Variants in ELMO3 observed in about 807,000 individuals in gnomAD.
ELMO3 encodes engulfment and cell motility protein 3.
A neutral mutation model predicts 89.0 loss-of-function variants in ELMO3; 81 were observed. That is an observed-to-expected ratio of 0.91 (90% CI 0.76 to 1.09). The LOEUF is 1.09. ELMO3 is among the 50% of genes least tolerant of loss of function. The pLI, the probability that ELMO3 is intolerant of heterozygous loss-of-function variation, is 0.00. For synonymous variants in ELMO3, 406 were observed against 400.6 expected, an observed-to-expected ratio of 1.01 and a Z score of -0.16; for missense variants, 959 against 972.8, an observed-to-expected ratio of 0.99 and a Z score of 0.19.
rs1485663222 is a variant in ELMO3, at chr16:67,200,657, G to A, written c.514G>A (p.Val172Met). Residue 172 changes from valine to methionine, a missense_variant and splice_region_variant, in exon 7 of 20, where the codon GTG (valine) becomes ATG (methionine). Val to Met is a conservative substitution (Grantham distance 21). Transcript: ENST00000393997. ...GTGGTGACACCCCCGCCCCTTACAG[G>A]TGGTGTGCTACGTGAACATGAACCT... ...ETLSIPFVRK[V>M]VCYVNMNLMD... 1.2e-6 allele frequency: 2 copies of A among 1,612,430 alleles called. No homozygotes were observed. Among genetic ancestry groups the A allele is most frequent in the Admixed American group, 1.7e-5 (1 of 60,004 alleles).
chr16:67,199,955 G>C lies in ELMO3; in HGVS notation c.197G>C (p.Arg66Pro). ...GHRRYITENNRAEIKNGSILC... is the reference protein window; with the variant it reads ...GHRRYITENNPAEIKNGSILC... Reference sequence around the variant, plus strand: ...CTTTTCTGCTGTCTTCTCCAGAACCGCGCGGAGATCAAGAATGGCAGCATC... The same window carrying C: ...CTTTTCTGCTGTCTTCTCCAGAACCCCGCGGAGATCAAGAATGGCAGCATC... Residue 66 changes from arginine (R) to proline (P), a missense_variant, in exon 4 of 20, where the codon CGC (arginine) becomes CCC (proline). Transcript: ENST00000393997. 1 of 1,613,830 alleles carries C rather than the reference G, an allele frequency of 6.2e-7. No individual in the cohort carries two copies. Among genetic ancestry groups the C allele is most frequent in the Non-Finnish European group, 8.5e-7 (1 of 1,180,012 alleles).
Position 67,200,723 on chromosome 16 carries a change from G to T in ELMO3, c.580G>T (p.Glu194Ter), listed in dbSNP as rs559407158. 3.1e-6 allele frequency: 5 copies of T among 1,613,666 alleles called. No individual in the cohort carries two copies. In the South Asian group the frequency reaches 3.3e-5, roughly 11 times the overall value. ...GCCTCCCCTGGCCCTTGGGCTGCTG[G>T]AGAGTGTGACCTTGAGCAGCCCAGC... The part of the protein sequence containing the change: ...SVPPLALGLL[E>*]SVTLSSPALG... The change falls in exon 7 of 20, where the codon GAG becomes TAG. Residue 194 changes from glutamate (E) to a stop codon, truncating the protein, a stop_gained. Coordinates refer to ENST00000393997, the MANE Select transcript of ELMO3 (RefSeq NM_024712.5). LOFTEE classifies it high-confidence loss of function.
chr16:67,202,817 T>C, intron 15 of ELMO3, 27 bp downstream of exon 15: 1 of 1,612,064 alleles, frequency 6.2e-7, no homozygotes, highest in Non-Finnish European at 8.5e-7. Flanking sequence ...GGATCCTCAG[T>C]CCTAGCCCTA....
Position 67,202,096 on chromosome 16 carries a change from G to A in ELMO3, c.1152+18G>A, listed in dbSNP as rs1253697102. The A allele has an allele frequency of 1.2e-6, 2 of 1,610,532 alleles. No individual in the cohort carries two copies. Among genetic ancestry groups the A allele is most frequent in the Admixed American group, 1.7e-5 (1 of 59,950 alleles). Reference sequence around the variant, plus strand: ...ACAGCCGGGTCGGTGACAGGGTAGGGTGGGGGGGTGGCAGCATCCCCCAGG... The same window carrying A: ...ACAGCCGGGTCGGTGACAGGGTAGGATGGGGGGGTGGCAGCATCCCCCAGG... On this transcript the variant is annotated intron_variant, in intron 12 of 19. Transcript: ENST00000393997.
rs1464468352 is a variant in ELMO3 at position 67,201,518 on chromosome 16, A to G, written c.796-2A>G. ...TTACACCAGGGACTGGCTGTCCTGC[A>G]GAACATCATCCACAGTGCAGCACCA... On this transcript the variant is annotated splice_acceptor_variant, in intron 9 of 19. Coordinates refer to ENST00000393997, the MANE Select transcript of ELMO3 (RefSeq NM_024712.5). LOFTEE classifies it high-confidence loss of function. The G allele has an allele frequency of 1.9e-6, 3 of 1,614,066 alleles. No homozygotes were observed. The highest frequency in any genetic ancestry group is 1.1e-5 in the South Asian group (1 of 91,084).
chr16:67,201,925 T>C, intron 11 of ELMO3, 52 bp downstream of exon 11: 6 of 1,605,632 alleles, frequency 3.7e-6, no homozygotes, highest in Non-Finnish European at 5.1e-6. Flanking sequence ...CCAGGGCTGT[T>C]GTTCCAGGCG....
In ELMO3 at chr16:67,203,700, G is replaced by A. The variant is rs764925209; in HGVS notation, c.1986G>A (p.Leu662=). 3.7e-6 allele frequency: 6 copies of A among 1,613,662 alleles called. No individual in the cohort carries two copies. The African/African-American group carries it at 4.0e-5, about 11-fold the overall frequency. Residue 662 remains leucine (L), a synonymous_variant, in exon 20 of 20, where the codon CTG becomes CTA. Transcript: ENST00000393997. This position sits in a 1 kb window ranked among gnomAD's most constrained non-coding sequence, Gnocchi z 4.6. ...GGACAGATGGGCTCAGTGCCTTGCT[G>A]GGCAGTCCCATGGGCAGCGAGCAGA... ...YLWTDGLSAL[L]GSPMGSEQTR...
chr16:67,200,126 CACT>C, intron 4 of ELMO3, 63 bp from the exon 5 acceptor site: 4 of 1,588,030 alleles, frequency 2.5e-6, no homozygotes, highest in Non-Finnish European at 3.4e-6. Context: ...CGGGGCCGCA[CACT>C]TCCAGGTCCC....
intron 10 of ELMO3, 26 bp from the exon 11 acceptor site, chr16:67,201,716 C>A: frequency 1.2e-6 from 2 of 1,607,822 alleles, no homozygotes; most frequent in South Asian, 1.1e-5. Flanking sequence ...TTGATCCCCT[C>A]CCCCGCCACC....
rs1567692045 is a variant in ELMO3, at chr16:67,201,545, T to C, written c.821T>C (p.Met274Thr). The C allele has an allele frequency of 3.7e-6, 6 of 1,613,952 alleles. No homozygotes were observed. Among genetic ancestry groups the C allele is most frequent in the East Asian group, 2.2e-5 (1 of 44,894 alleles). Residue 274 changes from methionine to threonine, a missense_variant, in exon 10 of 20, where the codon ATG (methionine) becomes ACG (threonine). Coordinates refer to ENST00000393997, the MANE Select transcript of ELMO3 (RefSeq NM_024712.5). ...YKNIIHSAAP[M>T]GDEMAHHLYV... ...AACATCATCCACAGTGCAGCACCAA[T>C]GGGCGACGAGATGGCTCATCACCTG... is the stretch of plus-strand genomic sequence containing the variant.
chr16:67,203,820 GCC>G lies in ELMO3; in HGVS notation c.2110_2111del (p.Pro704ThrfsTer10). On this transcript the variant is annotated frameshift_variant, in exon 20 of 20. Coordinates refer to ENST00000393997, the MANE Select transcript of ELMO3 (RefSeq NM_024712.5). LOFTEE classifies it high-confidence loss of function. The surrounding 1 kb of genome is among the most constrained non-coding windows in gnomAD (Gnocchi z 4.6). The part of the protein sequence containing the change: ...VPIPERPPPV[P>X]PPPTNFNFCY... ...CCATCCCCGAGCGGCCACCCCCTGT[GCC>G]CCCACCCCCCACCAACTTCAACTTC... The G allele has an allele frequency of 6.2e-7, 1 of 1,602,820 alleles. No homozygotes were observed.
In ELMO3 at chr16:67,199,603, G is replaced by T; in HGVS notation, c.119+10G>T. ...AGGAGGTGTGCGACGCGTGAGTGCT[G>T]CCGGGCCAGGGCCTGCGGAGGGCGG... On this transcript the variant is annotated intron_variant, in intron 2 of 19. Transcript: ENST00000393997. 6.2e-7 allele frequency: 1 copy of T among 1,609,222 alleles called. No homozygotes were observed. The highest frequency in any genetic ancestry group is 8.5e-7 in the Non-Finnish European group (1 of 1,179,038).
rs2033179891 is a variant in ELMO3, at chr16:67,203,623, G to A, written c.1950+40G>A. ...GGCTGAGGTCGGCAGGTGGGCAGGG[G>A]AGGCAGATGGGCAGACCCTCACGGC... On this transcript the variant is annotated intron_variant, in intron 19 of 19. Coordinates refer to ENST00000393997, the MANE Select transcript of ELMO3 (RefSeq NM_024712.5). This position sits in a 1 kb window ranked among gnomAD's most constrained non-coding sequence, Gnocchi z 4.6. 1 of 1,613,840 alleles carries A rather than the reference G, an allele frequency of 6.2e-7. No individual in the cohort carries two copies. Among genetic ancestry groups the A allele is most frequent in the Non-Finnish European group, 8.5e-7 (1 of 1,180,012 alleles).
Position 67,200,168 on chromosome 16 carries a change from C to G in ELMO3, c.244-24C>G. On this transcript the variant is annotated intron_variant, in intron 4 of 19. Coordinates refer to ENST00000393997, the MANE Select transcript of ELMO3 (RefSeq NM_024712.5). Reference sequence around the variant, plus strand: ...CTTACCATGCCCAGCCTCTTCACCTCTGCTCCTGCTCCGTTCCTGCCAGGA... The same window carrying G: ...CTTACCATGCCCAGCCTCTTCACCTGTGCTCCTGCTCCGTTCCTGCCAGGA... The G allele has an allele frequency of 3.7e-6, 6 of 1,604,532 alleles. No homozygotes were observed. The South Asian group carries it at 6.7e-5, about 18-fold the overall frequency.
In ELMO3 at chr16:67,202,749, T is replaced by C. The variant is rs755732866; in HGVS notation, c.1521T>C (p.Thr507=). The change falls in exon 15 of 20, where the codon ACT becomes ACC. Residue 507 remains threonine (T), a synonymous_variant. Coordinates refer to ENST00000393997, the MANE Select transcript of ELMO3 (RefSeq NM_024712.5). ...GGGAGGTGCTGCGGCTGCGGCAGAC[T>C]GAACGGCTGCACCAGGAGGGCACAC... The part of the protein sequence containing the change: ...TYGEVLRLRQ[T]ERLHQEGTLA... 2.5e-6 allele frequency: 4 copies of C among 1,613,558 alleles called. No individual in the cohort carries two copies. Among genetic ancestry groups the C allele is most frequent in the Admixed American group, 1.7e-5 (1 of 60,014 alleles).
chr16:67,203,071 G>T lies in ELMO3; in HGVS notation c.1676-48G>T. ...GGGCAGGCAGAGGGCGGCTGGCTTGGTGTCAGGACCTCTCAGCACTCTGGC... is the reference window on the plus strand; with the variant it reads ...GGGCAGGCAGAGGGCGGCTGGCTTGTTGTCAGGACCTCTCAGCACTCTGGC... On this transcript the variant is annotated intron_variant, in intron 16 of 19. Coordinates refer to ENST00000393997, the MANE Select transcript of ELMO3 (RefSeq NM_024712.5). This position sits in a 1 kb window ranked among gnomAD's most constrained non-coding sequence, Gnocchi z 4.6. 1 of 1,595,934 alleles carries T rather than the reference G, an allele frequency of 6.3e-7. No homozygotes were observed.
Position 67,203,658 on chromosome 16 carries a change from C to A in ELMO3, c.1951-7C>A. ...GGCAGACCCTCACGGCTCTGTGCCA[C>A]CCCCAGTTCTACCTGTGGACAGATG... is the stretch of plus-strand genomic sequence containing the variant. On this transcript the variant is annotated splice_polypyrimidine_tract_variant and splice_region_variant and intron_variant, in intron 19 of 19. Transcript: ENST00000393997. The surrounding 1 kb of genome is among the most constrained non-coding windows in gnomAD (Gnocchi z 4.6). The A allele has an allele frequency of 1.2e-6, 2 of 1,613,676 alleles. No homozygotes were observed. The highest frequency in any genetic ancestry group is 1.3e-5 in the African/African-American group (1 of 75,050).
chr16:67,199,475 A>T (rs887949245), intron 1 of ELMO3, 71 bp downstream of exon 1: 15 of 1,328,762 alleles, frequency 1.1e-5, no homozygotes, highest in African/African-American at 1.5e-5. Context: ...CCCTCGGGGC[A>T]GCCCGCCCCA....
intron 10 of ELMO3, 26 bp downstream of exon 10, chr16:67,201,668 C>T: frequency 5.6e-6 from 9 of 1,609,906 alleles, no homozygotes; most frequent in East Asian, 2.2e-5. Context: ...GAGGACAAGG[C>T]AGGGGGTGGC....
Sources: allele counts gnomAD v4.1 joint callset, GRCh38; gene constraint gnomAD v4.1.1; non-coding constraint Gnocchi (gnomAD v3.1); transcripts MANE v1.5; gene names NCBI Gene and HGNC (gene_info 2026-07-23, HGNC 2026-07-21).